The following ESF1 variants were observed in gnomAD, a reference collection of about 807,000 sequenced individuals.
ESF1 encodes ESF1 nucleolar pre-rRNA processing protein, also known as ESF1 homolog.
In ESF1, 58 loss-of-function variants were observed where a neutral mutation model predicts 92.0. The observed-to-expected ratio is 0.63, with a 90% CI of 0.51 to 0.78. The LOEUF is 0.78. Ranked by LOEUF, ESF1 falls within the 30% of genes least tolerant of loss-of-function variation. ESF1 has a pLI of 0.00. For missense variants in ESF1, 922 were observed against 989.1 expected, an observed-to-expected ratio of 0.93 and a Z score of 0.91; for synonymous variants, 321 against 313.7, an observed-to-expected ratio of 1.02 and a Z score of -0.24.
intron 2 of ESF1, among the ~76,000 whole-genome samples, chr20:13,779,017 G>A (rs918641583): frequency 1.3e-5 from 2 of 152,074 alleles, no homozygotes; most frequent in Non-Finnish European, 2.9e-5. Flanking sequence ...CTGCACTCCA[G>A]CCTGGGCAGC....
At chr20:13,727,060 AC>A (rs1244318015) in intron 11 of ESF1, among the ~76,000 whole-genome samples, 1 of 152,194 alleles carries the variant, frequency 6.6e-6, no homozygotes, top group African/African-American at 2.4e-5. Context: ...AAAACTGGCT[AC>A]CCCAAGCCAT....
chr20:13,765,802 C>G (rs1395591394), intron 8 of ESF1, among the ~76,000 whole-genome samples: 3 of 152,148 alleles, frequency 2.0e-5, no homozygotes, highest in African/African-American at 7.2e-5. Flanking sequence ...ACCCTAACTT[C>G]AAATGTCAAA....
intron 9 of ESF1, among the ~76,000 whole-genome samples, chr20:13,757,684 G>A (rs1833794657): frequency 6.6e-6 from 1 of 152,192 alleles, no homozygotes; most frequent in Non-Finnish European, 1.5e-5. Flanking sequence ...GATTACAGGT[G>A]TGAGCCCCTG....
At chr20:13,758,858 C>T (rs1979022741) in intron 9 of ESF1, among the ~76,000 whole-genome samples, 1 of 152,186 alleles carries the variant, frequency 6.6e-6, no homozygotes, top group Non-Finnish European at 1.5e-5. Context: ...CCCCCATTAT[C>T]TGAGGAGGAT....
chr20:13,784,096 C>T (rs545880516), intron 1 of ESF1, among the ~76,000 whole-genome samples: 3 of 152,228 alleles, frequency 2.0e-5, no homozygotes, highest in Middle Eastern at 3.4e-3. Flanking sequence ...TAATAAATAT[C>T]ACTTCTTTCT....
chr20:13,721,622 A>C (rs992213855), intron 11 of ESF1, among the ~76,000 whole-genome samples: 2 of 152,090 alleles, frequency 1.3e-5, no homozygotes, highest in Non-Finnish European at 1.5e-5. Context: ...AGCAAAACCT[A>C]AAGTCAAAAG....
At chr20:13,744,285 C>T (rs557884791) in intron 9 of ESF1, among the ~76,000 whole-genome samples, 4 of 152,222 alleles carry the variant, frequency 2.6e-5, no homozygotes, top group South Asian at 2.1e-4. Context: ...GGAAGAGACA[C>T]CTGTAAAACA....
intron 9 of ESF1, among the ~76,000 whole-genome samples, chr20:13,753,334 G>T (rs1050885823): frequency 6.6e-6 from 1 of 150,772 alleles, no homozygotes; most frequent in East Asian, 1.9e-4. Context: ...CTTTTAGCAG[G>T]TGAATTTTTC....
chr20:13,772,476 T>A, intron 5 of ESF1, 39 bp downstream of exon 5: 1 of 1,412,336 alleles, frequency 7.1e-7, no homozygotes, highest in Non-Finnish European at 1.0e-6. Context: ...TGACATGAAT[T>A]TATGAGGTTT....
At chr20:13,753,280 C>T (rs1978721911) in intron 9 of ESF1, among the ~76,000 whole-genome samples, 2 of 151,628 alleles carry the variant, frequency 1.3e-5, no homozygotes, top group Admixed American at 1.3e-4. Flanking sequence ...TGGAGTTTCA[C>T]TAAAACTTAG....
At chr20:13,761,266 C>A (rs1385718450) in intron 8 of ESF1, among the ~76,000 whole-genome samples, 1 of 151,878 alleles carries the variant, frequency 6.6e-6, no homozygotes, top group Non-Finnish European at 1.5e-5. Context: ...GGTCCTCTGC[C>A]TAGGAAAACC....
chr20:13,767,205 A>C (rs1384852441), intron 7 of ESF1, among the ~76,000 whole-genome samples: 1 of 152,204 alleles, frequency 6.6e-6, no homozygotes, highest in Non-Finnish European at 1.5e-5. Flanking sequence ...ACGGTGCAAA[A>C]AAACTAAGAA....
chr20:13,770,060 G>T, intron 6 of ESF1, 39 bp from the exon 7 acceptor site: 1 of 1,208,982 alleles, frequency 8.3e-7, no homozygotes, highest in Non-Finnish European at 1.2e-6. Context: ...AAAATACGCT[G>T]CAGTGATAAC....
At chr20:13,731,531 C>CAAAAAAA (rs35867169) in intron 10 of ESF1, among the ~76,000 whole-genome samples, 1 of 71,526 alleles carries the variant, frequency 1.4e-5, no homozygotes, top group African/African-American at 5.4e-5. Flanking sequence ...GACTCGGTCT[C>CAAAAAAA]AAAAAAAAAA....
At chr20:13,784,847 C>A in intron 1 of ESF1, 33 bp downstream of exon 1, 1 of 589,404 alleles carries the variant, frequency 1.7e-6, no homozygotes, top group South Asian at 2.0e-5. Context: ...CCCTTCATCT[C>A]GAGCTCTTCA....
intron 9 of ESF1, among the ~76,000 whole-genome samples, chr20:13,745,011 A>G (rs2147744371): frequency 6.6e-6 from 1 of 152,362 alleles, no homozygotes; most frequent in South Asian, 2.1e-4. Context: ...AGTCTGGTAT[A>G]CAGTAGGAAC....
intron 9 of ESF1, among the ~76,000 whole-genome samples, chr20:13,737,167 A>G (rs186208737): frequency 2.0e-4 from 30 of 152,356 alleles, no homozygotes; most frequent in East Asian, 1.7e-3. Context: ...ATTTGTTTAA[A>G]AAATTTTAAG....
chr20:13,765,410 G>A (rs1419652987), intron 8 of ESF1, among the ~76,000 whole-genome samples: 1 of 152,192 alleles, frequency 6.6e-6, no homozygotes, highest in Non-Finnish European at 1.5e-5. Context: ...TGTCAAGTTA[G>A]AGAAGACTTA....
intron 13 of ESF1, among the ~76,000 whole-genome samples, chr20:13,715,461 A>G (rs542990419): frequency 6.6e-6 from 1 of 152,332 alleles, no homozygotes; most frequent in East Asian, 1.9e-4. Context: ...ACGACCACTT[A>G]GACAAAATGA....
Sources: gnomAD v4.1 joint callset for allele counts (sites outside exome capture counted in the v4.1 genomes callset) on GRCh38, gnomAD v4.1.1 for gene constraint, MANE v1.5 for transcripts, NCBI Gene and HGNC (gene_info 2026-07-23, HGNC 2026-07-21) for gene names.